Variants in WIPF2 observed in about 807,000 individuals in gnomAD.
WIPF2 encodes the protein WAS/WASL interacting protein family member 2.
A neutral mutation model predicts 38.8 loss-of-function variants in WIPF2; 23 were observed. The ratio of observed to expected loss-of-function variants is 0.59; its 90% confidence interval spans 0.43 to 0.84. WIPF2 has a LOEUF of 0.84. Ranked by LOEUF, WIPF2 falls within the 40% of genes least tolerant of loss-of-function variation. The pLI, the probability that WIPF2 is intolerant of heterozygous loss-of-function variation, is 0.00. For synonymous variants in WIPF2, 210 were observed against 223.2 expected (o/e 0.94, Z 0.53); for missense variants, 574 against 580.5 (o/e 0.99, Z 0.11).
intron 5 of WIPF2, among the ~76,000 whole-genome samples, chr17:40,266,152 C>T (rs1052896035): frequency 2.0e-5 from 3 of 150,230 alleles, no homozygotes; most frequent in Non-Finnish European, 3.0e-5. Flanking sequence ...GCAGGAGAAT[C>T]GCTTGAACTC....
chr17:40,247,666 C>T (rs537753843), intron 1 of WIPF2, among the ~76,000 whole-genome samples: 5 of 148,348 alleles, frequency 3.4e-5, no homozygotes, highest in Non-Finnish European at 6.0e-5. Context: ...GAGTTACAGG[C>T]GTTTGCCACC....
chr17:40,228,655 G>A lies in WIPF2; in HGVS notation c.-70+9163G>A, dbSNP rs2030605082. Among the ~76,000 whole-genome samples, 3 of 151,748 alleles carry A rather than the reference G, an allele frequency of 2.0e-5. No individual in the cohort carries two copies. In the South Asian group the frequency reaches 6.2e-4, roughly 31 times the overall value. On this transcript the variant is annotated intron_variant, in intron 1 of 7. Transcript: ENST00000323571. ...TTGGTCTTTTTTTTTTTGAGACAGA[G>A]TCTCTCTCTGTCACCCAGGCGGGAA...
At chr17:40,227,573 C>T (rs1008778227) in intron 1 of WIPF2, among the ~76,000 whole-genome samples, 1 of 151,946 alleles carries the variant, frequency 6.6e-6, no homozygotes, top group African/African-American at 2.4e-5. Context: ...CTGTTCCAGG[C>T]TGGTTGCGGT....
In WIPF2 at chr17:40,264,615, G is replaced by C; in HGVS notation, c.439G>C (p.Glu147Gln). ...DTDSSRASLP[E>Q]LPRMQRPSLP... ...AGACAGCAGCCGGGCCTCACTCCCA[G>C]AACTGCCCCGGATGCAGAGACCCTC... The change falls in exon 5 of 8, where the codon GAA (glutamate) becomes CAA (glutamine). Residue 147 changes from glutamate to glutamine, a missense_variant. Glu to Gln is a conservative substitution (Grantham distance 29). Transcript: ENST00000323571. The C allele has an allele frequency of 2.5e-6, 4 of 1,614,110 alleles. No homozygotes were observed. The highest frequency in any genetic ancestry group is 3.4e-6 in the Non-Finnish European group (4 of 1,180,004).
intron 1 of WIPF2, among the ~76,000 whole-genome samples, chr17:40,239,672 A>ACT (rs2031113447): frequency 7.9e-6 from 1 of 126,092 alleles, no homozygotes; most frequent in Non-Finnish European, 1.7e-5. Context: ...GTTCCTTTGG[A>ACT]CTCTTTGGTT....
At chr17:40,252,618 G>T (rs1023562762) in intron 1 of WIPF2, among the ~76,000 whole-genome samples, 1 of 149,958 alleles carries the variant, frequency 6.7e-6, no homozygotes. Flanking sequence ...GAGCCGAGAT[G>T]ATGTTACTGT....
chr17:40,255,960 C>T (rs2145362039), intron 1 of WIPF2, among the ~76,000 whole-genome samples: 1 of 152,026 alleles, frequency 6.6e-6, no homozygotes, highest in Non-Finnish European at 1.5e-5. Flanking sequence ...GGCGTAATGA[C>T]ATGCATGCTT....
rs766103944 is a variant in WIPF2 at position 40,256,496 on chromosome 17, C to T, written c.37C>T (p.Pro13Ser). Residue 13 changes from proline (P) to serine (S), a missense_variant, in exon 2 of 8, where the codon CCT (proline) becomes TCT (serine). Coordinates refer to ENST00000323571, the MANE Select transcript of WIPF2 (RefSeq NM_133264.5). ...IPPPPPPPPG[P>S]PPPPTFHQAN... Reference sequence around the variant, plus strand: ...TCCTCCCCCGCCACCCCCACCTGGTCCTCCTCCACCTCCCACATTTCATCA... The same window carrying T: ...TCCTCCCCCGCCACCCCCACCTGGTTCTCCTCCACCTCCCACATTTCATCA... The T allele has an allele frequency of 5.4e-5, 87 of 1,601,494 alleles. No homozygotes were observed. Among genetic ancestry groups the T allele is most frequent in the Non-Finnish European group, 7.0e-5 (82 of 1,173,056 alleles).
chr17:40,277,739 T>TTTTTC (rs1214706671), intron 7 of WIPF2, among the ~76,000 whole-genome samples: 2 of 147,338 alleles, frequency 1.4e-5, no homozygotes, highest in African/African-American at 5.2e-5. Flanking sequence ...TTTTTTTTTT[T>TTTTTC]TTTGAGATAG....
intron 1 of WIPF2, among the ~76,000 whole-genome samples, chr17:40,235,390 C>A (rs2030926268): frequency 6.6e-6 from 1 of 152,048 alleles, no homozygotes; most frequent in Non-Finnish European, 1.5e-5. Flanking sequence ...TAGTTTTTCC[C>A]TAGACATAGT....
chr17:40,222,600 T>TGTGTGTCTGTCTGC (rs1555558391), intron 1 of WIPF2, among the ~76,000 whole-genome samples: 2 of 149,752 alleles, frequency 1.3e-5, no homozygotes, highest in Non-Finnish European at 1.5e-5. Context: ...TGTGTGTGTG[T>TGTGTGTCTGTCTGC]GTGTGTCTGC....
chr17:40,226,749 T>G (rs2030508547), intron 1 of WIPF2, among the ~76,000 whole-genome samples: 1 of 152,164 alleles, frequency 6.6e-6, no homozygotes, highest in Admixed American at 6.6e-5. Context: ...AAATTTATTA[T>G]TATTATTTTT....
At chr17:40,270,353 G>A (rs2032212602) in intron 5 of WIPF2, among the ~76,000 whole-genome samples, 2 of 143,708 alleles carry the variant, frequency 1.4e-5, no homozygotes, top group Non-Finnish European at 3.0e-5. Flanking sequence ...GGGACAGAGC[G>A]AGACTCCGTC....
Position 40,282,724 on chromosome 17 carries a change from G to C in WIPF2, c.*4499G>C, listed in dbSNP as rs548919836. ...ATTGTGTACTCTTGTCTGGAATACC[G>C]CCTCAGGTGGTGGCACAGAGAGGGG... On this transcript the variant is annotated 3_prime_UTR_variant, in exon 8 of 8. Transcript: ENST00000323571. The C allele has an allele frequency of 1.3e-5, 2 of 152,220 alleles. No homozygotes were observed. The highest frequency in any genetic ancestry group is 4.1e-4 in the South Asian group (2 of 4,824). The allele number at this position is 152,220 out of a possible 1,614,324, so 9.4% of individuals were successfully genotyped here. A position where few individuals can be genotyped will look rare whatever the true frequency, so the allele number is the denominator to read the frequency against.
chr17:40,270,820 A>T (rs1352218954), intron 5 of WIPF2, among the ~76,000 whole-genome samples: 1 of 152,016 alleles, frequency 6.6e-6, no homozygotes, highest in Non-Finnish European at 1.5e-5. Context: ...AGTGAGGAAG[A>T]GTTGACATTC....
At chr17:40,232,808 T>G (rs985332465) in intron 1 of WIPF2, among the ~76,000 whole-genome samples, 1 of 151,616 alleles carries the variant, frequency 6.6e-6, no homozygotes, top group Non-Finnish European at 1.5e-5. Flanking sequence ...CCGGCTAATT[T>G]TGCATTTTTA....
chr17:40,250,329 C>G (rs1237361399), intron 1 of WIPF2, among the ~76,000 whole-genome samples: 1 of 141,678 alleles, frequency 7.1e-6, no homozygotes, highest in African/African-American at 2.6e-5. Flanking sequence ...CTCCCGGGTT[C>G]ACGCCATTCT....
rs1274432212 is a variant in WIPF2 at position 40,281,129 on chromosome 17, T to C, written c.*2904T>C. The stretch of plus-strand genomic sequence containing the variant: ...TCTGCTTGTGGGAATGTCGTCTCTT[T>C]CGTGGAAGATTGGGTGGTCTCATGT... On this transcript the variant is annotated 3_prime_UTR_variant, in exon 8 of 8. Transcript: ENST00000323571. 6.6e-6 allele frequency: 1 copy of C among 152,256 alleles called. No individual in the cohort carries two copies. Among genetic ancestry groups the C allele is most frequent in the Admixed American group, 6.5e-5 (1 of 15,280 alleles). 9.4% of individuals were successfully genotyped at this position (152,256 alleles called of 1,614,324 possible).
chr17:40,237,855 A>G (rs1417605030), intron 1 of WIPF2, among the ~76,000 whole-genome samples: 1 of 144,108 alleles, frequency 6.9e-6, no homozygotes, highest in African/African-American at 2.6e-5. Flanking sequence ...CCTGTTGGTC[A>G]CGGTGGTCTC....
Sources: gnomAD v4.1 joint callset for allele counts (sites outside exome capture counted in the v4.1 genomes callset) on GRCh38, gnomAD v4.1.1 for gene constraint, MANE v1.5 for transcripts, NCBI Gene and HGNC (gene_info 2026-07-23, HGNC 2026-07-21) for gene names.